The following CHODL variants were observed in gnomAD, a reference collection of about 807,000 sequenced individuals.
CHODL encodes the protein chondrolectin, also known as transmembrane protein MT75.
A neutral mutation model predicts 34.5 loss-of-function variants in CHODL; 29 were observed. The observed-to-expected ratio is 0.84, with a 90% CI of 0.63 to 1.15. The LOEUF (loss-of-function observed/expected upper bound fraction) is 1.15. Ranked by LOEUF, CHODL falls within the 50% of genes most tolerant of loss-of-function variation. The probability of loss-of-function intolerance (pLI) is 0.00; values close to 1 mark genes in which losing one functional copy is unlikely to be tolerated. For synonymous variants in CHODL, 125 were observed against 116.1 expected (o/e 1.08, Z -0.49); for missense variants, 332 against 332.5 (o/e 1.00, Z 0.01).
chr21:18,146,400 G>A (rs1056784059), intron 2 of CHODL, among the ~76,000 whole-genome samples: 1 of 152,138 alleles, frequency 6.6e-6, no homozygotes, highest in Non-Finnish European at 1.5e-5. Flanking sequence ...CATAGTGGGG[G>A]CGGGACATTT....
rs1369471223 is a variant in CHODL at position 18,262,909 on chromosome 21, A to G, written c.737+16A>G. On this transcript the variant is annotated intron_variant, in intron 5 of 5. Transcript: ENST00000299295. ...TGCATAAAAGGTAAATAACTCATATATGTAGAGACAATTTGAAAAACTTTA... is the reference window on the plus strand; with the variant it reads ...TGCATAAAAGGTAAATAACTCATATGTGTAGAGACAATTTGAAAAACTTTA... 2.9e-6 allele frequency: 4 copies of G among 1,385,446 alleles called. No individual in the cohort carries two copies. Among genetic ancestry groups the G allele is most frequent in the Non-Finnish European group, 4.1e-6 (4 of 980,324 alleles). 85.8% of individuals were successfully genotyped at this position (1,385,446 alleles called of 1,614,324 possible).
At chr21:18,143,045 C>A (rs1361481882) in intron 2 of CHODL, among the ~76,000 whole-genome samples, 1 of 152,094 alleles carries the variant, frequency 6.6e-6, no homozygotes, top group African/African-American at 2.4e-5. Context: ...TTTTATAGAC[C>A]AGTTAATTTA....
intron 2 of CHODL, among the ~76,000 whole-genome samples, chr21:18,194,170 TA>T (rs1192871186): frequency 1.6e-4 from 24 of 152,220 alleles, no homozygotes; most frequent in Admixed American, 1.6e-3. Flanking sequence ...ATCTTCTCTG[TA>T]AAGAAACTGT....
intron 1 of CHODL, among the ~76,000 whole-genome samples, chr21:18,249,136 A>T (rs1315654905): frequency 8.9e-5 from 12 of 134,250 alleles, no homozygotes; most frequent in East Asian, 2.0e-4. Context: ...CATATATAAT[A>T]ATATATATAT....
rs2063998498 is a variant in CHODL, at chr21:18,009,946, G to A, written c.-144-17926G>A. Among the ~76,000 whole-genome samples the A allele has an allele frequency of 1.3e-5, 2 of 150,810 alleles. 1 individual carries two copies. Among genetic ancestry groups the A allele is most frequent in the South Asian group, 4.2e-4 (2 of 4,750 alleles). On this transcript the variant is annotated intron_variant, in intron 1 of 6. Coordinates refer to the CHODL transcript ENST00000400127. The stretch of plus-strand genomic sequence containing the variant: ...GGAAGGCTGGAGATATGGACACAGG[G>A]CAAATAAAGCCAAACAGACACAGAG...
At position 17,920,303 on chromosome 21, in the gene CHODL, C is replaced by T. The variant is rs146241554; in HGVS notation, c.-145+2903C>T. On this transcript the variant is annotated intron_variant, in intron 1 of 6. Coordinates refer to the CHODL transcript ENST00000400127. The stretch of plus-strand genomic sequence containing the variant: ...TTACAAAAGAAAGAAGTTTAATGGA[C>T]TTACAGTTTCACATAGCTGGGGAGG... Among the ~76,000 whole-genome samples the T allele has an allele frequency of 8.0e-3, 1,216 of 152,318 alleles. 18 individuals carry two copies. The highest frequency in any genetic ancestry group is 0.027 in the African/African-American group (1,120 of 41,564).
intron 2 of CHODL, among the ~76,000 whole-genome samples, chr21:18,065,126 C>T (rs938295634): frequency 6.6e-6 from 1 of 152,158 alleles, no homozygotes; most frequent in Non-Finnish European, 1.5e-5. Flanking sequence ...ATTTTGCCAG[C>T]ACTTGCTCTT....
chr21:18,017,441 C>T (rs1234309474), intron 1 of CHODL, among the ~76,000 whole-genome samples: 2 of 152,182 alleles, frequency 1.3e-5, no homozygotes, highest in Non-Finnish European at 2.9e-5. Context: ...CTTTGCCTTC[C>T]AGCCACTCTG....
chr21:18,244,929 C>T lies in CHODL; in HGVS notation c.-295C>T, dbSNP rs116658531. The T allele has an allele frequency of 4.6e-3, 1,695 of 370,178 alleles. 35 individuals carry two copies. Among genetic ancestry groups the T allele is most frequent in the African/African-American group, 0.032 (1,517 of 46,930 alleles). 22.9% of individuals were successfully genotyped at this position (370,178 alleles called of 1,614,324 possible). ...CAAAGCGCAACGGTGTGGTCCAAGC[C>T]GGGGCTTCTGCTTCGCCTCTAGGAC... On this transcript the variant is annotated 5_prime_UTR_variant, in exon 1 of 6. Transcript: ENST00000299295.
At position 18,037,248 on chromosome 21, in the gene CHODL, A is replaced by G. The variant is rs2591642; in HGVS notation, c.-45+9277A>G. Among the ~76,000 whole-genome samples, 532 of 152,070 alleles carry G rather than the reference A, an allele frequency of 3.5e-3. 3 individuals are homozygous for G. The highest frequency in any genetic ancestry group is 0.01 in the Middle Eastern group (3 of 294). On this transcript the variant is annotated intron_variant, in intron 2 of 6. Coordinates refer to the CHODL transcript ENST00000400127. Reference sequence around the variant, plus strand: ...TTGGAAGGAGATTTAATTGGCATCCAAGTAAACAGAAAGTTGGGCTAAGTG... The same window carrying G: ...TTGGAAGGAGATTTAATTGGCATCCGAGTAAACAGAAAGTTGGGCTAAGTG...
chr21:17,918,598 G>A (rs529619970), intron 1 of CHODL, among the ~76,000 whole-genome samples: 38 of 152,172 alleles, frequency 2.5e-4, no homozygotes, highest in Middle Eastern at 3.4e-3. Context: ...GGGAATTGTG[G>A]GAGTTGCAAT....
chr21:18,030,272 G>C (rs1306920655), intron 2 of CHODL, among the ~76,000 whole-genome samples: 2 of 152,176 alleles, frequency 1.3e-5, no homozygotes, highest in Non-Finnish European at 2.9e-5. Context: ...CTTACAAAGA[G>C]ACCTGCATGG....
At chr21:18,255,649 T>C (rs2074306636) in intron 1 of CHODL, among the ~76,000 whole-genome samples, 1 of 152,172 alleles carries the variant, frequency 6.6e-6, no homozygotes. Flanking sequence ...TTTCATGATA[T>C]ATTCATTCCA....
chr21:18,145,403 C>G (rs2072866792), intron 2 of CHODL, among the ~76,000 whole-genome samples: 1 of 138,492 alleles, frequency 7.2e-6, no homozygotes, highest in Admixed American at 7.6e-5. Context: ...CGCCACTGCA[C>G]TCCAGCCTAG....
chr21:17,941,874 G>A (rs562990251), intron 1 of CHODL, among the ~76,000 whole-genome samples: 2 of 152,100 alleles, frequency 1.3e-5, no homozygotes, highest in African/African-American at 4.8e-5. Context: ...GTCATAGACT[G>A]CTGACTTCTA....
At chr21:18,158,609 G>A (rs984597828) in intron 2 of CHODL, among the ~76,000 whole-genome samples, 2 of 152,026 alleles carry the variant, frequency 1.3e-5, no homozygotes, top group East Asian at 1.9e-4. Context: ...AGGCCGAGGC[G>A]GGTGGATCAC....
At chr21:18,253,327 T>C (rs1303195294) in intron 1 of CHODL, among the ~76,000 whole-genome samples, 6 of 152,096 alleles carry the variant, frequency 3.9e-5, no homozygotes, top group African/African-American at 1.2e-4. Flanking sequence ...TTTTTTTTAA[T>C]ATGACATTTT....
intron 2 of CHODL, among the ~76,000 whole-genome samples, chr21:18,033,245 G>A (rs987095780): frequency 2.6e-5 from 4 of 151,910 alleles, no homozygotes; most frequent in South Asian, 2.1e-4. Context: ...CAATAAAAGC[G>A]GTGACCTGCA....
intron 2 of CHODL, among the ~76,000 whole-genome samples, chr21:18,052,082 T>G (rs544525631): frequency 6.6e-6 from 1 of 152,044 alleles, no homozygotes; most frequent in South Asian, 2.1e-4. Flanking sequence ...GGATTCTATT[T>G]TCAGTGTTTA....
Sources: allele counts gnomAD v4.1 joint callset (sites outside exome capture counted in the v4.1 genomes callset), GRCh38; gene constraint gnomAD v4.1.1; transcripts MANE v1.5; gene names NCBI Gene and HGNC (gene_info 2026-07-23, HGNC 2026-07-21).